Variants in TLL2 observed in about 807,000 individuals in gnomAD.
TLL2 encodes the protein tolloid-like protein 2.
A neutral mutation model predicts 123.0 loss-of-function variants in TLL2; 106 were observed. That is an observed-to-expected ratio of 0.86 (90% CI 0.74 to 1.01). The LOEUF (loss-of-function observed/expected upper bound fraction) is 1.01. TLL2 is among the 50% of genes least tolerant of loss of function. The probability of loss-of-function intolerance (pLI) is 0.00; values close to 1 mark genes in which losing one functional copy is unlikely to be tolerated. For missense variants in TLL2, 1,332 were observed against 1,336.7 expected (o/e 1.00, Z 0.06); for synonymous variants, 494 against 516.8 (o/e 0.96, Z 0.60).
intron 1 of TLL2, among the ~76,000 whole-genome samples, chr10:96,496,750 T>C (rs1659776307): frequency 1.3e-5 from 2 of 152,242 alleles, no homozygotes. Flanking sequence ...CAAGATTGGT[T>C]TGGGCAGGCC....
At position 96,479,462 on chromosome 10, in the gene TLL2, C is replaced by A. The variant is rs7908713; in HGVS notation, c.286+887G>T. On this transcript the variant is annotated intron_variant, in intron 2 of 20. Coordinates refer to ENST00000357947, the MANE Select transcript of TLL2 (RefSeq NM_012465.4). ...TCCTGGATGTCACCACATACATGAG[C>A]AGCCTGGAAGAGGGGTTGCCTGATA... Among the ~76,000 whole-genome samples, 517 of 152,172 alleles carry A rather than the reference C, an allele frequency of 3.4e-3. 4 individuals carry two copies. The highest frequency in any genetic ancestry group is 0.011 in the African/African-American group (437 of 41,506).
intron 12 of TLL2, 147 bp downstream of exon 12, chr10:96,395,728 A>T: frequency 9.9e-7 from 1 of 1,013,612 alleles, no homozygotes; most frequent in Non-Finnish European, 1.4e-6. Flanking sequence ...TGTTGATGTC[A>T]GATGTCCGGG....
At chr10:96,401,098 G>T (rs1168596044) in intron 10 of TLL2, among the ~76,000 whole-genome samples, 3 of 152,194 alleles carry the variant, frequency 2.0e-5, no homozygotes, top group African/African-American at 7.2e-5. Context: ...TTTAGAGGAG[G>T]AGTTTAATAA....
chr10:96,421,159 G>T lies in TLL2; in HGVS notation c.818-98C>A. ...GGAGGGCCCATAACAACTTCCCAGG[G>T]CTCTCTTGGCCCAATCAGTCAAATA... On this transcript the variant is annotated intron_variant, in intron 6 of 20. Coordinates refer to ENST00000357947, the MANE Select transcript of TLL2 (RefSeq NM_012465.4). 6 of 834,702 alleles carry T rather than the reference G, an allele frequency of 7.2e-6. No individual in the cohort carries two copies. In the South Asian group the frequency reaches 8.5e-5, roughly 12 times the overall value. 51.7% of individuals were successfully genotyped at this position (834,702 alleles called of 1,614,324 possible). A position where few individuals can be genotyped will look rare whatever the true frequency, so the allele number is the denominator to read the frequency against.
chr10:96,443,802 G>A (rs1202915424), intron 3 of TLL2, among the ~76,000 whole-genome samples: 3 of 152,284 alleles, frequency 2.0e-5, no homozygotes, highest in Non-Finnish European at 2.9e-5. Flanking sequence ...GATGTCTGGG[G>A]AGCCCAAAAA....
At position 96,451,921 on chromosome 10, in the gene TLL2, T is replaced by C. The variant is rs545380053; in HGVS notation, c.287-5753A>G. 2.6e-5 allele frequency among the ~76,000 whole-genome samples: 4 copies of C among 152,366 alleles called. No individual in the cohort carries two copies. The East Asian group carries it at 7.7e-4, about 29-fold the overall frequency. On this transcript the variant is annotated intron_variant, in intron 2 of 20. Coordinates refer to ENST00000357947, the MANE Select transcript of TLL2 (RefSeq NM_012465.4). ...TTTACTCATTTTTTAATACTGTATT[T>C]ACAGCTTTGACCCACGAGAGCTAAA...
intron 18 of TLL2, among the ~76,000 whole-genome samples, chr10:96,376,123 T>C (rs1378275126): frequency 2.0e-5 from 3 of 152,110 alleles, no homozygotes; most frequent in Non-Finnish European, 4.4e-5. Flanking sequence ...CTATTACTAA[T>C]GGGAAAAAAA....
intron 2 of TLL2, among the ~76,000 whole-genome samples, chr10:96,448,190 T>C (rs1846918444): frequency 6.6e-6 from 1 of 152,206 alleles, no homozygotes; most frequent in Non-Finnish European, 1.5e-5. Context: ...CGCTGCCTCC[T>C]GGCCAACCCG....
At chr10:96,470,970 C>T (rs559010758) in intron 2 of TLL2, among the ~76,000 whole-genome samples, 1 of 152,272 alleles carries the variant, frequency 6.6e-6, no homozygotes, top group African/African-American at 2.4e-5. Flanking sequence ...TGTGATGACC[C>T]CAGAGTGTGG....
chr10:96,459,690 AAAAAAAAAAAAAAAAATATATAT>A lies in TLL2; in HGVS notation c.287-13545_287-13523del, dbSNP rs1194259576. ...GTTTCAAAAAAAAAAAAAAAAAAAA[AAAAAAAAAAAAAAAAATATATAT>A]ATATATATATATATATATAGCAGCT... On this transcript the variant is annotated intron_variant, in intron 2 of 20. Transcript: ENST00000357947. Among the ~76,000 whole-genome samples, 41 of 67,638 alleles carry A rather than the reference AAAAAAAAAAAAAAAAATATATAT, an allele frequency of 6.1e-4. 2 individuals are homozygous for A. Among genetic ancestry groups the A allele is most frequent in the African/African-American group, 1.9e-3 (35 of 18,228 alleles). The allele number at this position is 67,638 out of a possible 152,430, so 44.4% of individuals were successfully genotyped here. A position where few individuals can be genotyped will look rare whatever the true frequency, so the allele number is the denominator to read the frequency against.
At chr10:96,387,327 G>A (rs1225228946) in intron 13 of TLL2, among the ~76,000 whole-genome samples, 1 of 152,206 alleles carries the variant, frequency 6.6e-6, no homozygotes, top group Non-Finnish European at 1.5e-5. Context: ...AGAAGGCCAG[G>A]CCTGGAGAAG....
At chr10:96,446,717 C>T (rs971426264) in intron 2 of TLL2, among the ~76,000 whole-genome samples, 2 of 152,194 alleles carry the variant, frequency 1.3e-5, no homozygotes, top group Non-Finnish European at 2.9e-5. Flanking sequence ...AATTAGACTC[C>T]ATAGACACTC....
At chr10:96,444,283 T>C (rs1158323596) in intron 3 of TLL2, among the ~76,000 whole-genome samples, 1 of 152,202 alleles carries the variant, frequency 6.6e-6, no homozygotes, top group Non-Finnish European at 1.5e-5. Context: ...TTCAGTAACG[T>C]TTACTGCAGT....
In TLL2 at chr10:96,432,975, C is replaced by T. The variant is rs1232827273; in HGVS notation, c.365-13G>A. 6.2e-7 allele frequency: 1 copy of T among 1,611,204 alleles called. No homozygotes were observed. Reference sequence around the variant, plus strand: ...TTCTCCCGGCCATCTGCAACACAGTCAGGTTAATATTGATTTTGCCCTTTG... The same window carrying T: ...TTCTCCCGGCCATCTGCAACACAGTTAGGTTAATATTGATTTTGCCCTTTG... On this transcript the variant is annotated splice_polypyrimidine_tract_variant and intron_variant, in intron 3 of 20. Coordinates refer to ENST00000357947, the MANE Select transcript of TLL2 (RefSeq NM_012465.4).
At chr10:96,376,890 G>T in intron 17 of TLL2, 71 bp from the exon 18 acceptor site, 3 of 1,439,082 alleles carry the variant, frequency 2.1e-6, no homozygotes, top group South Asian at 1.5e-5. Context: ...AGGATTCTAG[G>T]GGGGTCTCCT....
intron 10 of TLL2, 108 bp from the exon 11 acceptor site, chr10:96,397,410 A>G: frequency 1.4e-6 from 1 of 740,472 alleles, no homozygotes; most frequent in Non-Finnish European, 2.2e-6. Context: ...GAAGTGAGCA[A>G]TAACCCTGGC....
chr10:96,424,619 T>A (rs1846660393), intron 5 of TLL2, among the ~76,000 whole-genome samples: 1 of 152,200 alleles, frequency 6.6e-6, no homozygotes, highest in Admixed American at 6.5e-5. Flanking sequence ...GTGAATTATG[T>A]GATCACCTCT....
chr10:96,396,039 G>A lies in TLL2; in HGVS notation c.1385-19C>T, dbSNP rs752646419. 3.7e-6 allele frequency: 6 copies of A among 1,613,148 alleles called. No homozygotes were observed. The Admixed American group carries it at 5.0e-5, about 13-fold the overall frequency. On this transcript the variant is annotated intron_variant, in intron 11 of 20. Coordinates refer to ENST00000357947, the MANE Select transcript of TLL2 (RefSeq NM_012465.4). The stretch of plus-strand genomic sequence containing the variant: ...CAGGTAGCTTTAGAAAGAGACATCA[G>A]GAGAGGAAGACGGGGGCCCTGGTCA...
At chr10:96,506,005 AC>A (rs960213193) in intron 1 of TLL2, among the ~76,000 whole-genome samples, 1 of 151,946 alleles carries the variant, frequency 6.6e-6, no homozygotes, top group Admixed American at 6.6e-5. Context: ...TGTAATCCTA[AC>A]ACTTTGGGAG....
Sources: gnomAD v4.1 joint callset for allele counts (sites outside exome capture counted in the v4.1 genomes callset) on GRCh38, gnomAD v4.1.1 for gene constraint, MANE v1.5 for transcripts, NCBI Gene and HGNC (gene_info 2026-07-23, HGNC 2026-07-21) for gene names.